Variants in SUGCT observed in about 807,000 individuals in gnomAD.
The protein encoded by SUGCT is succinyl-CoA:glutarate-CoA transferase.
In SUGCT, 41 loss-of-function variants were observed where a neutral mutation model predicts 55.0. That is an observed-to-expected ratio of 0.74 (90% CI 0.58 to 0.97). SUGCT has a LOEUF of 0.97. Ranked by LOEUF, SUGCT falls within the 50% of genes least tolerant of loss-of-function variation. The pLI, the probability that SUGCT is intolerant of heterozygous loss-of-function variation, is 0.00. For missense variants in SUGCT, 568 were observed against 547.8 expected, an observed-to-expected ratio of 1.04 and a Z score of -0.37; for synonymous variants, 187 against 200.4, an observed-to-expected ratio of 0.93 and a Z score of 0.56.
intron 12 of SUGCT, among the ~76,000 whole-genome samples, chr7:40,608,564 G>A (rs570270693): frequency 4.6e-5 from 7 of 152,280 alleles, no homozygotes; most frequent in African/African-American, 1.7e-4. Flanking sequence ...GGCATTACAA[G>A]GTTAGGTTTT....
the SUGCT span, among the ~76,000 whole-genome samples, chr7:40,926,640 A>G: frequency 6.6e-6 from 1 of 152,084 alleles, no homozygotes; most frequent in Non-Finnish European, 1.5e-5. Flanking sequence ...TGTTTATAAT[A>G]AGAGACACCA....
intron 9 of SUGCT, among the ~76,000 whole-genome samples, chr7:40,399,329 A>G (rs1785931784): frequency 6.6e-6 from 1 of 152,220 alleles, no homozygotes; most frequent in African/African-American, 2.4e-5. Flanking sequence ...AGGTATTAAA[A>G]AATATATGAG....
In SUGCT at chr7:40,441,940, A is replaced by G. The variant is rs117999659; in HGVS notation, c.817-7347A>G. ...AGTGAGTTTCTGGGTGGGGGGTCTC[A>G]GGACTGGTTGTATTACTTCCTTCAT... is the stretch of plus-strand genomic sequence containing the variant. On this transcript the variant is annotated intron_variant, in intron 9 of 13. Transcript: ENST00000335693. 1.2e-3 allele frequency among the ~76,000 whole-genome samples: 176 copies of G among 152,226 alleles called. 1 individual carries two copies. The highest frequency in any genetic ancestry group is 1.9e-3 in the Non-Finnish European group (127 of 67,992).
chr7:40,737,757 T>C (rs1787241396), intron 12 of SUGCT, among the ~76,000 whole-genome samples: 2 of 152,016 alleles, frequency 1.3e-5, no homozygotes, highest in Non-Finnish European at 2.9e-5. Flanking sequence ...GAAAAAAAAT[T>C]TCGTCTTGAT....
chr7:40,187,466 A>G (rs1252024590), intron 3 of SUGCT, among the ~76,000 whole-genome samples: 30 of 152,176 alleles, frequency 2.0e-4, no homozygotes. Flanking sequence ...TGTGGGTCAA[A>G]TAAAACATGT....
intron 12 of SUGCT, among the ~76,000 whole-genome samples, chr7:40,600,531 T>A (rs1798241713): frequency 6.6e-6 from 1 of 152,244 alleles, no homozygotes; most frequent in Non-Finnish European, 1.5e-5. Context: ...TTGGGGGATA[T>A]AATTGTAACA....
chr7:40,864,367 G>A (rs184517334), downstream of SUGCT, among the ~76,000 whole-genome samples: 459 of 152,222 alleles, frequency 3.0e-3, 11 homozygotes, highest in Non-Finnish European at 5.6e-4. Context: ...GGCCAGGCTG[G>A]TCTCGAACTC....
chr7:40,236,217 C>T (rs745591120), intron 6 of SUGCT, among the ~76,000 whole-genome samples: 1 of 151,796 alleles, frequency 6.6e-6, no homozygotes, highest in Non-Finnish European at 1.5e-5. Flanking sequence ...ACCACCACAC[C>T]CAGCTAATTT....
chr7:40,743,944 C>T (rs547587373), intron 12 of SUGCT, among the ~76,000 whole-genome samples: 9 of 151,954 alleles, frequency 5.9e-5, no homozygotes, highest in South Asian at 4.2e-4. Context: ...ATTTTTGAAA[C>T]GGAGTCTTGC....
the SUGCT span, among the ~76,000 whole-genome samples, chr7:41,017,350 A>C: frequency 6.6e-6 from 1 of 152,228 alleles, no homozygotes; most frequent in African/African-American, 2.4e-5. Flanking sequence ...AAGGGGGTTG[A>C]AAACAAGGCC....
At position 40,376,824 on chromosome 7, in the gene SUGCT, A is replaced by G. The variant is rs537452179; in HGVS notation, c.816+59969A>G. Among the ~76,000 whole-genome samples, 82 of 151,476 alleles carry G rather than the reference A, an allele frequency of 5.4e-4. 1 individual carries two copies. The highest frequency in any genetic ancestry group is 1.9e-3 in the African/African-American group (78 of 41,272). On this transcript the variant is annotated intron_variant, in intron 9 of 13. Coordinates refer to ENST00000335693, the MANE Select transcript of SUGCT (RefSeq NM_001193313.2). ...ATTTTCCTTCTGTATGAAAACTTCC[A>G]TTCTTTTAGAACAGGTCTGCTGCTA...
rs544934266 is a variant in SUGCT at position 40,819,819 on chromosome 7, A to C, written c.1154-40497A>C. Among the ~76,000 whole-genome samples, 4 of 152,340 alleles carry C rather than the reference A, an allele frequency of 2.6e-5. No homozygotes were observed. The East Asian group carries it at 7.7e-4, about 29-fold the overall frequency. On this transcript the variant is annotated intron_variant, in intron 13 of 13. Coordinates refer to ENST00000335693, the MANE Select transcript of SUGCT (RefSeq NM_001193313.2). Reference sequence around the variant, plus strand: ...TGCTGTTGCTTTTGGTGTTTTAGTCATGAAGTCCTTGCACATGCCTACAGC... The same window carrying C: ...TGCTGTTGCTTTTGGTGTTTTAGTCCTGAAGTCCTTGCACATGCCTACAGC...
At chr7:40,722,560 C>A (rs1254558335) in intron 12 of SUGCT, among the ~76,000 whole-genome samples, 1 of 152,156 alleles carries the variant, frequency 6.6e-6, no homozygotes, top group Non-Finnish European at 1.5e-5. Flanking sequence ...TTTTTTGCTT[C>A]TCCACTGGCT....
chr7:40,945,843 A>C, the SUGCT span, among the ~76,000 whole-genome samples: 1 of 151,804 alleles, frequency 6.6e-6, no homozygotes, highest in Non-Finnish European at 1.5e-5. Flanking sequence ...GCCACACTAC[A>C]CTCCAGGCTG....
At chr7:40,804,199 A>G (rs1241610737) in intron 13 of SUGCT, among the ~76,000 whole-genome samples, 1 of 152,228 alleles carries the variant, frequency 6.6e-6, no homozygotes. Context: ...CATCTTGTGC[A>G]TAAATATAAC....
chr7:40,167,502 T>G (rs1229168771), intron 1 of SUGCT, among the ~76,000 whole-genome samples: 3 of 152,046 alleles, frequency 2.0e-5, no homozygotes, highest in Non-Finnish European at 4.4e-5. Context: ...TAAGATGGAG[T>G]GGGCTGCTCC....
At chr7:40,961,746 G>C in the SUGCT span, among the ~76,000 whole-genome samples, 2 of 152,058 alleles carry the variant, frequency 1.3e-5, no homozygotes, top group Admixed American at 6.6e-5. Flanking sequence ...CCTTCCAGTG[G>C]GTTCGTGGTC....
the SUGCT span, among the ~76,000 whole-genome samples, chr7:40,910,171 C>T: frequency 6.6e-6 from 1 of 151,330 alleles, no homozygotes; most frequent in East Asian, 2.0e-4. Context: ...AAGAAGGATT[C>T]TCTGAAGGAT....
intron 9 of SUGCT, among the ~76,000 whole-genome samples, chr7:40,364,981 A>G (rs978512415): frequency 3.5e-4 from 54 of 152,270 alleles, no homozygotes; most frequent in Non-Finnish European, 6.9e-4. Flanking sequence ...TTAGACCAAT[A>G]TCCTTGATGA....
Sources: allele counts gnomAD v4.1 joint callset (sites outside exome capture counted in the v4.1 genomes callset), GRCh38; gene constraint gnomAD v4.1.1; transcripts MANE v1.5; gene names NCBI Gene and HGNC (gene_info 2026-07-23, HGNC 2026-07-21).